Variants in CADM2 observed in about 807,000 individuals in gnomAD.
CADM2 encodes the protein cell adhesion molecule 2, also known as immunoglobulin superfamily member 4D.
A neutral mutation model predicts 49.8 loss-of-function variants in CADM2; 12 were observed. The ratio of observed to expected loss-of-function variants is 0.24; its 90% CI spans 0.15 to 0.39. The LOEUF (loss-of-function observed/expected upper bound fraction) is 0.39, where lower values mean the gene tolerates loss of function less well. Ranked by LOEUF, CADM2 falls within the 10% of genes least tolerant of loss-of-function variation. The probability of loss-of-function intolerance (pLI) is 1.00; values close to 1 mark genes in which losing one functional copy is unlikely to be tolerated. For missense variants in CADM2, 378 were observed against 492.3 expected (o/e 0.77, Z 2.20); for synonymous variants, 214 against 175.4 (o/e 1.22, Z -1.74).
chr3:85,868,842 A>G (rs1439549056), intron 3 of CADM2, among the ~76,000 whole-genome samples: 1 of 152,122 alleles, frequency 6.6e-6, no homozygotes, highest in Non-Finnish European at 1.5e-5. Flanking sequence ...TTTGCACTGC[A>G]TTTACATAGC....
At chr3:85,997,704 A>C (rs1457797008) in intron 8 of CADM2, among the ~76,000 whole-genome samples, 1 of 152,160 alleles carries the variant, frequency 6.6e-6, no homozygotes, top group Non-Finnish European at 1.5e-5. Context: ...CGTTTCCTAC[A>C]CAATTCATTT....
At chr3:85,962,868 A>T (rs895393754) in intron 8 of CADM2, among the ~76,000 whole-genome samples, 1 of 151,964 alleles carries the variant, frequency 6.6e-6, no homozygotes, top group African/African-American at 2.4e-5. Context: ...TAAATCGTGG[A>T]TCTTAGAAAC....
chr3:85,460,353 TA>T lies in CADM2; in HGVS notation c.62-266160del, dbSNP rs200944428. Among the ~76,000 whole-genome samples, 783 of 151,854 alleles carry T rather than the reference TA, an allele frequency of 5.2e-3. 7 individuals carry two copies. Among genetic ancestry groups the T allele is most frequent in the African/African-American group, 0.017 (708 of 41,452 alleles). On this transcript the variant is annotated intron_variant, in intron 1 of 9. Coordinates refer to ENST00000383699, the MANE Select transcript of CADM2 (RefSeq NM_001167675.2). ...ACTGTGAAGACAGAATCCAACTTTA[TA>T]AAAAAAAATTTTCAGCTTACATAAA... is the stretch of plus-strand genomic sequence containing the variant.
intron 7 of CADM2, among the ~76,000 whole-genome samples, chr3:85,958,522 A>T (rs1724350722): frequency 6.6e-6 from 1 of 152,088 alleles, no homozygotes; most frequent in East Asian, 2.0e-4. Flanking sequence ...CAGAAATACC[A>T]TTCGACCCAG....
intron 8 of CADM2, among the ~76,000 whole-genome samples, chr3:85,998,068 A>G (rs952664919): frequency 4.6e-5 from 7 of 152,154 alleles, no homozygotes; most frequent in African/African-American, 1.7e-4. Flanking sequence ...AGGTGAGGGA[A>G]GAGGGTATTT....
At chr3:85,467,940 G>C (rs1317000841) in intron 1 of CADM2, among the ~76,000 whole-genome samples, 7 of 151,952 alleles carry the variant, frequency 4.6e-5, no homozygotes, top group Admixed American at 4.6e-4. Flanking sequence ...GGATCACGAG[G>C]TCAGGAGATC....
At chr3:85,059,877 C>A (rs941544432) in intron 1 of CADM2, among the ~76,000 whole-genome samples, 2 of 152,110 alleles carry the variant, frequency 1.3e-5, no homozygotes, top group African/African-American at 2.4e-5. Flanking sequence ...TGGGCTAATA[C>A]ACATGTATTT....
chr3:85,681,773 A>C (rs1008125689), intron 1 of CADM2, among the ~76,000 whole-genome samples: 2 of 152,126 alleles, frequency 1.3e-5, no homozygotes, highest in South Asian at 4.1e-4. Flanking sequence ...ATTAAATAGC[A>C]TATTTTTACT....
intron 1 of CADM2, among the ~76,000 whole-genome samples, chr3:85,321,012 A>G (rs1433500213): frequency 6.8e-6 from 1 of 148,112 alleles, no homozygotes; most frequent in Non-Finnish European, 1.5e-5. Context: ...AGATGATAAG[A>G]CATGACTTTT....
intron 1 of CADM2, among the ~76,000 whole-genome samples, chr3:85,568,453 T>TC (rs1559915923): frequency 2.1e-3 from 59 of 27,496 alleles, no homozygotes; most frequent in South Asian, 6.5e-3. Context: ...CTTTCTTTCT[T>TC]TCTTTCTTTC....
At chr3:85,766,151 C>T (rs904661376) in intron 2 of CADM2, among the ~76,000 whole-genome samples, 6 of 151,992 alleles carry the variant, frequency 3.9e-5, no homozygotes, top group African/African-American at 4.8e-5. Flanking sequence ...AAGGGCAATG[C>T]CTGTATTAAT....
chr3:85,092,079 C>T (rs548968732), intron 1 of CADM2, among the ~76,000 whole-genome samples: 36 of 152,154 alleles, frequency 2.4e-4, no homozygotes, highest in East Asian at 3.9e-4. Flanking sequence ...TAAGAACTTT[C>T]GCTCTTTTGT....
At chr3:85,814,874 A>G (rs1223889087) in intron 3 of CADM2, among the ~76,000 whole-genome samples, 2 of 151,988 alleles carry the variant, frequency 1.3e-5, no homozygotes, top group African/African-American at 4.8e-5. Context: ...ATAGTATTCT[A>G]TAGAATATAG....
At chr3:85,787,549 C>T (rs2108017672) in intron 2 of CADM2, among the ~76,000 whole-genome samples, 1 of 152,178 alleles carries the variant, frequency 6.6e-6, no homozygotes, top group African/African-American at 2.4e-5. Flanking sequence ...ACAGTTGGCT[C>T]CGTGAAACCT....
chr3:85,819,334 A>G (rs2073408600), intron 3 of CADM2, among the ~76,000 whole-genome samples: 1 of 152,142 alleles, frequency 6.6e-6, no homozygotes, highest in Non-Finnish European at 1.5e-5. Context: ...TCCTCTGGCA[A>G]CACCCTCACA....
At chr3:85,381,749 C>A (rs1478066885) in intron 1 of CADM2, among the ~76,000 whole-genome samples, 1 of 151,976 alleles carries the variant, frequency 6.6e-6, no homozygotes, top group African/African-American at 2.4e-5. Context: ...CTTTCACCAG[C>A]CTGAGCAGGG....
intron 1 of CADM2, among the ~76,000 whole-genome samples, chr3:85,658,581 T>C (rs1291326491): frequency 4.3e-4 from 28 of 64,380 alleles, no homozygotes; most frequent in African/African-American, 2.2e-3. Context: ...TATGTGTATA[T>C]ATATATATAT....
chr3:86,050,002 A>T (rs2107315802), intron 8 of CADM2, among the ~76,000 whole-genome samples: 1 of 152,166 alleles, frequency 6.6e-6, no homozygotes, highest in African/African-American at 2.4e-5. Flanking sequence ...AGTCCCCCAA[A>T]CTTGTAACTT....
At chr3:86,054,874 T>C (rs921385808) in intron 8 of CADM2, among the ~76,000 whole-genome samples, 1 of 152,176 alleles carries the variant, frequency 6.6e-6, no homozygotes, top group Non-Finnish European at 1.5e-5. Context: ...TATGGCAATG[T>C]CATATTGAAG....
Sources: allele counts gnomAD v4.1 joint callset (sites outside exome capture counted in the v4.1 genomes callset), GRCh38; gene constraint gnomAD v4.1.1; transcripts MANE v1.5; gene names NCBI Gene and HGNC (gene_info 2026-07-23, HGNC 2026-07-21).